TRPS1: variants seen among roughly 807,000 people sequenced by gnomAD.
TRPS1 encodes the protein zinc finger transcription factor Trps1.
Under a neutral mutation model 101.2 loss-of-function variants are expected in TRPS1, and 6 were observed. The ratio of observed to expected loss-of-function variants is 0.06; its 90% confidence interval spans 0.03 to 0.12. The LOEUF is 0.12. Among genes scored for constraint, TRPS1 ranks in the 10% least tolerant of loss-of-function variants. TRPS1 has a pLI of 1.00. For missense variants in TRPS1, 1,363 were observed against 1,567.0 expected, an observed-to-expected ratio of 0.87 and a Z score of 2.20; for synonymous variants, 578 against 589.8, an observed-to-expected ratio of 0.98 and a Z score of 0.29.
intron 5 of TRPS1, among the ~76,000 whole-genome samples, chr8:115,518,396 A>G (rs1459705854): frequency 6.6e-6 from 1 of 151,832 alleles, no homozygotes. Context: ...GCAAAAATAC[A>G]AAAATGTGAG....
rs768393630 is a variant in TRPS1, at chr8:115,604,442, G to T, written c.1527C>A (p.Thr509=). Residue 509 remains threonine, a synonymous_variant, in exon 4 of 7, where the codon ACC becomes ACA. Transcript: ENST00000395715. This position sits in a 1 kb window ranked among gnomAD's most constrained non-coding sequence, Gnocchi z 4.1. ...LAKSSEGETM[T]KTDKSSSGAK... is the part of the protein sequence containing the mutation. The stretch of plus-strand genomic sequence containing the variant: ...CCCCACTCGAGCTCTTGTCTGTCTT[G>T]GTCATTGTCTCTCCTTCTGAACTTT... 1 of 1,613,980 alleles carries T rather than the reference G, an allele frequency of 6.2e-7. No individual in the cohort carries two copies. Among genetic ancestry groups the T allele is most frequent in the Non-Finnish European group, 8.5e-7 (1 of 1,179,978 alleles).
intron 5 of TRPS1, among the ~76,000 whole-genome samples, chr8:115,541,712 A>G (rs1229127234): frequency 1.3e-5 from 2 of 152,164 alleles, no homozygotes; most frequent in East Asian, 1.9e-4. Flanking sequence ...GAAGCTACTC[A>G]TCCTTAATAT....
intron 3 of TRPS1, among the ~76,000 whole-genome samples, chr8:115,609,917 C>T (rs1208083135): frequency 6.6e-6 from 1 of 152,178 alleles, no homozygotes; most frequent in African/African-American, 2.4e-5. Context: ...GGGTTGGTTT[C>T]TTTCAAGGTC....
At chr8:115,667,901 G>GC in intron 1 of TRPS1, 2 of 1,535,488 alleles carry the variant, frequency 1.3e-6, no homozygotes, top group Admixed American at 2.0e-5. Flanking sequence ...CCTAGTCTGC[G>GC]CCCCGCTTGT....
chr8:115,662,691 T>TTA (rs1554605673), intron 1 of TRPS1, among the ~76,000 whole-genome samples: 3 of 107,602 alleles, frequency 2.8e-5, no homozygotes, highest in African/African-American at 8.6e-5. Context: ...TGACTATTTA[T>TTA]AAAAAAAAAA....
intron 5 of TRPS1, among the ~76,000 whole-genome samples, chr8:115,493,573 T>G (rs1815079876): frequency 6.6e-6 from 1 of 151,918 alleles, no homozygotes; most frequent in Non-Finnish European, 1.5e-5. Flanking sequence ...GGTCCCGAAC[T>G]CCTGACCTCA....
intron 1 of TRPS1, among the ~76,000 whole-genome samples, chr8:115,663,433 A>C (rs1327118391): frequency 6.6e-6 from 1 of 152,004 alleles, no homozygotes; most frequent in East Asian, 1.9e-4. Context: ...TGCTTGTATA[A>C]ACTAAACCAC....
intron 5 of TRPS1, among the ~76,000 whole-genome samples, chr8:115,520,569 A>G (rs1017325397): frequency 6.6e-6 from 1 of 151,790 alleles, no homozygotes; most frequent in Non-Finnish European, 1.5e-5. Flanking sequence ...GCTATGAAAA[A>G]TTATGCAAAA....
intron 5 of TRPS1, among the ~76,000 whole-genome samples, chr8:115,510,201 T>G (rs2130182285): frequency 6.6e-6 from 1 of 152,086 alleles, no homozygotes. Context: ...ATATCCTAAG[T>G]AACAGCAAAC....
At chr8:115,530,510 G>T (rs992758992) in intron 5 of TRPS1, among the ~76,000 whole-genome samples, 1 of 152,138 alleles carries the variant, frequency 6.6e-6, no homozygotes, top group Non-Finnish European at 1.5e-5. Context: ...ACTTAGATAC[G>T]TGTGCAAACC....
At chr8:115,459,750 T>C (rs1814119185) in intron 5 of TRPS1, among the ~76,000 whole-genome samples, 1 of 152,204 alleles carries the variant, frequency 6.6e-6, no homozygotes, top group Admixed American at 6.5e-5. Flanking sequence ...ACTCTGATTG[T>C]TTCCCATATG....
chr8:115,544,645 A>G (rs1816529441), intron 5 of TRPS1, among the ~76,000 whole-genome samples: 1 of 152,214 alleles, frequency 6.6e-6, no homozygotes, highest in Non-Finnish European at 1.5e-5. Context: ...ATTTCTATCA[A>G]CAAGGATTCA....
chr8:115,467,239 G>A (rs762287255), intron 5 of TRPS1, among the ~76,000 whole-genome samples: 120 of 152,166 alleles, frequency 7.9e-4, no homozygotes, highest in Non-Finnish European at 1.4e-3. Flanking sequence ...CATATGAAGT[G>A]GCAGTGTCCT....
chr8:115,562,048 A>T (rs1003130548), intron 5 of TRPS1, among the ~76,000 whole-genome samples: 27 of 152,146 alleles, frequency 1.8e-4, no homozygotes, highest in African/African-American at 6.5e-4. Context: ...CAGTTATAAT[A>T]CATCAAGACG....
chr8:115,648,366 A>C (rs1477294954), intron 1 of TRPS1, among the ~76,000 whole-genome samples: 5 of 152,184 alleles, frequency 3.3e-5, no homozygotes, highest in African/African-American at 9.7e-5. Flanking sequence ...GGGCGCACAC[A>C]ACTGCTTCCG....
chr8:115,590,254 C>G (rs1393499383), intron 4 of TRPS1, among the ~76,000 whole-genome samples: 1 of 152,076 alleles, frequency 6.6e-6, no homozygotes, highest in Non-Finnish European at 1.5e-5. Flanking sequence ...ATTAAAACAG[C>G]AACAACAACT....
intron 5 of TRPS1, among the ~76,000 whole-genome samples, chr8:115,535,220 T>C (rs1257982913): frequency 6.9e-6 from 1 of 144,732 alleles, no homozygotes; most frequent in Non-Finnish European, 1.5e-5. Flanking sequence ...ATAGCATATA[T>C]AGCATATATA....
chr8:115,462,830 CA>C (rs1814221116), intron 5 of TRPS1, among the ~76,000 whole-genome samples: 1 of 152,076 alleles, frequency 6.6e-6, no homozygotes, highest in African/African-American at 2.4e-5. Context: ...CGTCCTTGAG[CA>C]CCTTACTAAG....
intron 5 of TRPS1, among the ~76,000 whole-genome samples, chr8:115,552,664 TAACTA>T (rs777337089): frequency 2.6e-5 from 4 of 152,144 alleles, no homozygotes; most frequent in Non-Finnish European, 2.9e-5. Flanking sequence ...CTTGGTAACT[TAACTA>T]AACACAACCA....
Sources: gnomAD v4.1 joint callset for allele counts (sites outside exome capture counted in the v4.1 genomes callset) on GRCh38, gnomAD v4.1.1 for gene constraint, Gnocchi (gnomAD v3.1) non-coding constraint, MANE v1.5 for transcripts, NCBI Gene and HGNC (gene_info 2026-07-23, HGNC 2026-07-21) for gene names.